PAQR7: variants seen among roughly 807,000 people sequenced by gnomAD.
PAQR7 encodes progestin and adipoQ receptor family member 7, also known as membrane progestin receptor alpha.
In PAQR7, 14 loss-of-function variants were observed where a neutral mutation model predicts 24.6. That is an observed-to-expected ratio of 0.57 (90% CI 0.38 to 0.89). The LOEUF (loss-of-function observed/expected upper bound fraction) is 0.89. PAQR7 is among the 40% of genes least tolerant of loss of function. PAQR7 has a pLI of 0.00. For synonymous variants in PAQR7, 189 were observed against 198.8 expected (o/e 0.95, Z 0.42); for missense variants, 351 against 444.0 (o/e 0.79, Z 1.88).
intron 2 of PAQR7, among the ~76,000 whole-genome samples, chr1:25,867,402 C>T (rs1478124534): frequency 2.6e-5 from 4 of 152,166 alleles, no homozygotes; most frequent in Admixed American, 1.3e-4. Flanking sequence ...TAATTTTATA[C>T]TGTTTTACCT....
chr1:25,862,749 G>C lies in PAQR7; in HGVS notation c.*50C>G. 2 of 1,550,160 alleles carry C rather than the reference G, an allele frequency of 1.3e-6. No homozygotes were observed. The highest frequency in any genetic ancestry group is 1.8e-6 in the Non-Finnish European group (2 of 1,139,628). ...TTGTTCCCACCTGGAGCCAAACCCA[G>C]ACCCCTGTCCCCCAACTATACCTCC... On this transcript the variant is annotated 3_prime_UTR_variant, in exon 3 of 3. Transcript: ENST00000675840.
chr1:25,874,126 G>A (rs1021701896), intron 1 of PAQR7, among the ~76,000 whole-genome samples: 7 of 150,234 alleles, frequency 4.7e-5, no homozygotes, highest in East Asian at 3.9e-4. Context: ...CAGGTGATCC[G>A]CCTGCCTCGG....
rs1557463116 is a variant in PAQR7, at chr1:25,863,653, GGAAATAGAAGC to G, written c.176_186del (p.Arg59ProfsTer70). 9 of 1,614,162 alleles carry G rather than the reference GGAAATAGAAGC, an allele frequency of 5.6e-6. No homozygotes were observed. Among genetic ancestry groups the G allele is most frequent in the Non-Finnish European group, 7.6e-6 (9 of 1,180,024 alleles). ...TCGTTGTGCTGCTGGAACAGCGTGC[GGAAATAGAAGC>G]GCCAGGTCTGATGCAGCGGCCGGTA... On this transcript the variant is annotated frameshift_variant, in exon 3 of 3. Coordinates refer to ENST00000675840, the MANE Select transcript of PAQR7 (RefSeq NM_178422.6). LOFTEE classifies it high-confidence loss of function. The surrounding 1 kb of genome is among the most constrained non-coding windows in gnomAD (Gnocchi z 6.1).
intron 2 of PAQR7, among the ~76,000 whole-genome samples, chr1:25,865,252 C>T (rs1373943594): frequency 6.6e-6 from 1 of 152,112 alleles, no homozygotes; most frequent in Non-Finnish European, 1.5e-5. Flanking sequence ...TATCATCAGA[C>T]CATCCTTTGA....
chr1:25,871,682 G>A (rs72879484), intron 1 of PAQR7, among the ~76,000 whole-genome samples: 2,915 of 152,280 alleles, frequency 0.019, 91 homozygotes, highest in African/African-American at 0.063. Context: ...CATAACACCC[G>A]TGGGGCAAAA....
chr1:25,862,746 C>A lies in PAQR7; in HGVS notation c.*53G>T, dbSNP rs1412476378. 1.9e-6 allele frequency: 3 copies of A among 1,546,274 alleles called. No individual in the cohort carries two copies. The highest frequency in any genetic ancestry group is 2.2e-5 in the East Asian group (1 of 44,462). On this transcript the variant is annotated 3_prime_UTR_variant, in exon 3 of 3. Coordinates refer to ENST00000675840, the MANE Select transcript of PAQR7 (RefSeq NM_178422.6). ...GCCTTGTTCCCACCTGGAGCCAAACCCAGACCCCTGTCCCCCAACTATACC... is the reference window on the plus strand; with the variant it reads ...GCCTTGTTCCCACCTGGAGCCAAACACAGACCCCTGTCCCCCAACTATACC...
intron 1 of PAQR7, among the ~76,000 whole-genome samples, chr1:25,872,767 T>A (rs1233694217): frequency 6.6e-6 from 1 of 152,108 alleles, no homozygotes; most frequent in East Asian, 1.9e-4. Flanking sequence ...CACCTTGGCC[T>A]CCCAAAGTGT....
intron 2 of PAQR7, 131 bp downstream of exon 2, chr1:25,870,477 TC>T (rs1055368241): frequency 6.6e-6 from 1 of 151,136 alleles, no homozygotes; most frequent in African/African-American, 2.4e-5. Flanking sequence ...ACTTCACCAC[TC>T]CCATAGTGGT....
chr1:25,874,012 T>C (rs1403411536), intron 1 of PAQR7, among the ~76,000 whole-genome samples: 1 of 151,962 alleles, frequency 6.6e-6, no homozygotes, highest in African/African-American at 2.4e-5. Context: ...GTCTCCTGAG[T>C]AACTGGGATT....
In PAQR7 at chr1:25,863,195, T is replaced by G; in HGVS notation, c.645A>C (p.Ala215=). The change falls in exon 3 of 3, where the codon GCA becomes GCC. Residue 215 remains alanine, a synonymous_variant. Transcript: ENST00000675840. This position sits in a 1 kb window ranked among gnomAD's most constrained non-coding sequence, Gnocchi z 6.1. ...CQEVPSVLAY[A]LDISPVVHRI... ...GATGCACCACAGGACTAATGTCCAG[T>G]GCGTAGGCCAGGACGGAGGGCACCT... The G allele has an allele frequency of 6.2e-7, 1 of 1,614,176 alleles. No homozygotes were observed. The highest frequency in any genetic ancestry group is 8.5e-7 in the Non-Finnish European group (1 of 1,180,030).
chr1:25,867,197 A>T (rs1287707027), intron 2 of PAQR7, among the ~76,000 whole-genome samples: 3 of 150,148 alleles, frequency 2.0e-5, no homozygotes, highest in African/African-American at 7.4e-5. Flanking sequence ...CTGATTTTTT[A>T]AATTTATTTT....
chr1:25,863,926 G>T lies in PAQR7; in HGVS notation c.-22-65C>A. 1 of 1,293,566 alleles carries T rather than the reference G, an allele frequency of 7.7e-7. No individual in the cohort carries two copies. 80.1% of individuals were successfully genotyped at this position (1,293,566 alleles called of 1,614,324 possible). On this transcript the variant is annotated intron_variant, in intron 2 of 2. Coordinates refer to ENST00000675840, the MANE Select transcript of PAQR7 (RefSeq NM_178422.6). The surrounding 1 kb of genome is among the most constrained non-coding windows in gnomAD (Gnocchi z 6.1). The stretch of plus-strand genomic sequence containing the variant: ...CTCACCCCCACGAGCAGCAGCTGGG[G>T]GGCTCTGATGCCCAAATCCTACTCC...
At chr1:25,866,876 G>A (rs2048561344) in intron 2 of PAQR7, among the ~76,000 whole-genome samples, 1 of 152,242 alleles carries the variant, frequency 6.6e-6, no homozygotes, top group Admixed American at 6.5e-5. Flanking sequence ...AGGATTACAG[G>A]TGCCCGCCAC....
Position 25,862,933 on chromosome 1 carries a change from T to C in PAQR7, c.907A>G (p.Ile303Val). The change falls in exon 3 of 3, where the codon ATC becomes GTC. Residue 303 changes from isoleucine (I) to valine (V), a missense_variant. By Grantham distance (29) the Ile-to-Val change is conservative. Coordinates refer to ENST00000675840, the MANE Select transcript of PAQR7 (RefSeq NM_178422.6). Reference protein sequence around the residue: ...VALDYEARRPIYEPLHTHWPH... With the variant: ...VALDYEARRPVYEPLHTHWPH... ...CAGTGCGTGTGCAGAGGCTCATAGA[T>C]GGGCCGTCGGGCCTCATAGTCCAGT... 1 of 1,614,038 alleles carries C rather than the reference T, an allele frequency of 6.2e-7. No individual in the cohort carries two copies. Among genetic ancestry groups the C allele is most frequent in the Non-Finnish European group, 8.5e-7 (1 of 1,180,030 alleles).
rs779043368 is a variant in PAQR7, at chr1:25,862,988, C to T, written c.852G>A (p.Leu284=). Residue 284 remains leucine (L), a synonymous_variant, in exon 3 of 3, where the codon CTG becomes CTA. Transcript: ENST00000675840. ...GHQLFHIFLV[L]CTLAQLEAVA... ...CAGCCTCCAGCTGAGCCAGCGTGCA[C>T]AGCACCAAGAAGATGTGGAAAAGTT... 2 of 1,614,070 alleles carry T rather than the reference C, an allele frequency of 1.2e-6. No homozygotes were observed. Among genetic ancestry groups the T allele is most frequent in the African/African-American group, 2.7e-5 (2 of 74,936 alleles).
In PAQR7 at chr1:25,861,508, G is replaced by A. The variant is rs2048510141; in HGVS notation, c.*1291C>T. The A allele has an allele frequency of 6.6e-6, 1 of 152,058 alleles. No homozygotes were observed. Among genetic ancestry groups the A allele is most frequent in the African/African-American group, 2.4e-5 (1 of 41,358 alleles). 9.4% of individuals were successfully genotyped at this position (152,058 alleles called of 1,614,324 possible). ...GTGGCTACTGTCACAGTACTTTATT[G>A]CATCCAGGCCATAATCCAGACCACC... On this transcript the variant is annotated 3_prime_UTR_variant, in exon 3 of 3. Coordinates refer to ENST00000675840, the MANE Select transcript of PAQR7 (RefSeq NM_178422.6).
chr1:25,871,364 C>G (rs577010341), intron 1 of PAQR7: 1 of 152,204 alleles, frequency 6.6e-6, no homozygotes, highest in East Asian at 1.9e-4. Flanking sequence ...CTGGAGAGCA[C>G]GAGGGCACAA....
Position 25,874,611 on chromosome 1 carries a change from T to C in PAQR7, c.-109+877A>G, listed in dbSNP as rs528879010. Among the ~76,000 whole-genome samples, 26 of 152,232 alleles carry C rather than the reference T, an allele frequency of 1.7e-4. No individual in the cohort carries two copies. In the East Asian group the frequency reaches 4.1e-3, roughly 24 times the overall value. Reference sequence around the variant, plus strand: ...CTAGAGGCTGGGTCCCTCTCTCCGATAGGAGCTCAGACTTGGGGTCCTGGG... The same window carrying C: ...CTAGAGGCTGGGTCCCTCTCTCCGACAGGAGCTCAGACTTGGGGTCCTGGG... On this transcript the variant is annotated intron_variant, in intron 1 of 2. Transcript: ENST00000675840.
At chr1:25,872,509 A>ATTT (rs55654329) in intron 1 of PAQR7, among the ~76,000 whole-genome samples, 16 of 108,910 alleles carry the variant, frequency 1.5e-4, no homozygotes, top group Non-Finnish European at 2.0e-4. Context: ...ACACCACAGG[A>ATTT]TTTTTTTTTT....
Sources: allele counts gnomAD v4.1 joint callset (sites outside exome capture counted in the v4.1 genomes callset), GRCh38; gene constraint gnomAD v4.1.1; non-coding constraint Gnocchi (gnomAD v3.1); transcripts MANE v1.5; gene names NCBI Gene and HGNC (gene_info 2026-07-23, HGNC 2026-07-21).